The following ZBTB20 variants were observed in gnomAD, a reference collection of about 807,000 sequenced individuals.
ZBTB20 encodes zinc finger and BTB domain-containing protein 20.
Under a neutral mutation model 56.9 loss-of-function variants are expected in ZBTB20, and 9 were observed. The observed-to-expected ratio is 0.16, with a 90% CI of 0.10 to 0.28. The LOEUF is 0.28. Among genes scored for constraint, ZBTB20 ranks in the 10% least tolerant of loss-of-function variants. The probability of loss-of-function intolerance (pLI) is 1.00; values close to 1 mark genes in which losing one functional copy is unlikely to be tolerated. For synonymous variants in ZBTB20, 417 were observed against 420.7 expected (o/e 0.99, Z 0.11); for missense variants, 655 against 1,003.0 (o/e 0.65, Z 4.69).
chr3:114,363,115 T>A (rs570186787), intron 10 of ZBTB20, among the ~76,000 whole-genome samples: 1 of 152,208 alleles, frequency 6.6e-6, no homozygotes, highest in South Asian at 2.1e-4. Flanking sequence ...CACAAGCAGG[T>A]TATATATTAG....
chr3:115,026,262 A>G (rs1208873861), intron 2 of ZBTB20, among the ~76,000 whole-genome samples: 2 of 151,068 alleles, frequency 1.3e-5, no homozygotes, highest in South Asian at 2.1e-4. Context: ...AAATTCATGC[A>G]TGTTCACTGT....
intron 6 of ZBTB20, among the ~76,000 whole-genome samples, chr3:114,595,977 A>C (rs2056283314): frequency 6.6e-6 from 1 of 152,236 alleles, no homozygotes; most frequent in South Asian, 2.1e-4. Flanking sequence ...TAAATGGGAC[A>C]TTTAACTGAT....
At chr3:114,982,818 C>T (rs1270443108) in intron 2 of ZBTB20, among the ~76,000 whole-genome samples, 2 of 151,884 alleles carry the variant, frequency 1.3e-5, no homozygotes. Flanking sequence ...CTCCAAAGTC[C>T]AAAGTTTTTT....
chr3:114,564,304 C>T (rs2052457355), intron 6 of ZBTB20, among the ~76,000 whole-genome samples: 1 of 151,922 alleles, frequency 6.6e-6, no homozygotes, highest in South Asian at 2.1e-4. Context: ...CCATCTAAGG[C>T]AACATACTCA....
intron 4 of ZBTB20, among the ~76,000 whole-genome samples, chr3:114,848,366 GC>G (rs1197776907): frequency 6.6e-6 from 1 of 152,154 alleles, no homozygotes; most frequent in Non-Finnish European, 1.5e-5. Flanking sequence ...ACTGCTAGAG[GC>G]CTGGCACCGC....
At chr3:114,878,477 T>C (rs528347486) in intron 4 of ZBTB20, among the ~76,000 whole-genome samples, 3 of 150,564 alleles carry the variant, frequency 2.0e-5, no homozygotes, top group South Asian at 2.1e-4. Flanking sequence ...AATGGTAAAA[T>C]AGATGTTAGG....
chr3:115,060,923 TA>T (rs552523719), intron 2 of ZBTB20, among the ~76,000 whole-genome samples: 58 of 152,272 alleles, frequency 3.8e-4, no homozygotes, highest in African/African-American at 1.4e-3. Flanking sequence ...TTGCAGGAGA[TA>T]AAGTTAACTC....
At chr3:114,427,487 G>C (rs996950596) in intron 7 of ZBTB20, among the ~76,000 whole-genome samples, 1 of 152,174 alleles carries the variant, frequency 6.6e-6, no homozygotes, top group Non-Finnish European at 1.5e-5. Flanking sequence ...TGAGCCCCTC[G>C]ATCATTACTG....
intron 6 of ZBTB20, chr3:114,658,239 G>A (rs1190627693): frequency 5.9e-5 from 9 of 152,160 alleles, no homozygotes; most frequent in Non-Finnish European, 2.9e-5. Context: ...AGTGGTATGT[G>A]ATATTTCTAA....
intron 7 of ZBTB20, among the ~76,000 whole-genome samples, chr3:114,447,794 A>G (rs984924819): frequency 2.6e-5 from 4 of 152,154 alleles, no homozygotes; most frequent in Non-Finnish European, 5.9e-5. Context: ...TCAACCACTT[A>G]GAGGCTCTGG....
chr3:114,632,064 A>G (rs1218862227), intron 6 of ZBTB20, among the ~76,000 whole-genome samples: 1 of 152,230 alleles, frequency 6.6e-6, no homozygotes, highest in African/African-American at 2.4e-5. Context: ...GGTCAGGACC[A>G]CAGAACATCT....
chr3:114,769,194 C>T (rs535457007), intron 5 of ZBTB20, among the ~76,000 whole-genome samples: 1 of 152,056 alleles, frequency 6.6e-6, no homozygotes, highest in South Asian at 2.1e-4. Context: ...AAAATAATAC[C>T]GTTGAGTTAA....
At chr3:114,934,466 T>C (rs1044765641) in intron 3 of ZBTB20, among the ~76,000 whole-genome samples, 2 of 152,190 alleles carry the variant, frequency 1.3e-5, no homozygotes, top group African/African-American at 4.8e-5. Context: ...TTGCCTTATA[T>C]ATTTTTGAAC....
chr3:115,146,079 G>C (rs2084957855), intron 1 of ZBTB20, among the ~76,000 whole-genome samples: 1 of 152,174 alleles, frequency 6.6e-6, no homozygotes, highest in African/African-American at 2.4e-5. Flanking sequence ...TTTGGCCAAT[G>C]CTGATTCTGA....
intron 6 of ZBTB20, among the ~76,000 whole-genome samples, chr3:114,556,213 T>C (rs2051201346): frequency 1.3e-5 from 2 of 152,088 alleles, no homozygotes; most frequent in South Asian, 2.1e-4. Context: ...TGAACAGTTA[T>C]GTGGTATGAA....
chr3:114,814,931 A>T (rs2072810035), intron 4 of ZBTB20, among the ~76,000 whole-genome samples: 1 of 152,176 alleles, frequency 6.6e-6, no homozygotes, highest in African/African-American at 2.4e-5. Context: ...AGTTGTATTG[A>T]AACTCCATAT....
At chr3:114,630,486 T>C in intron 6 of ZBTB20, among the ~76,000 whole-genome samples, 1 of 152,184 alleles carries the variant, frequency 6.6e-6, no homozygotes, top group East Asian at 1.9e-4. Context: ...CGTGTGTGTG[T>C]ATGGTGGGTG....
intron 1 of ZBTB20, among the ~76,000 whole-genome samples, chr3:115,093,937 C>A (rs78382166): frequency 6.6e-6 from 1 of 152,020 alleles, no homozygotes; most frequent in African/African-American, 2.4e-5. Context: ...TGCTTTTTAA[C>A]GGGAGTTAGG....
intron 6 of ZBTB20, among the ~76,000 whole-genome samples, chr3:114,509,958 G>A (rs2045144064): frequency 6.6e-6 from 1 of 152,114 alleles, no homozygotes. Flanking sequence ...GGATTAGATT[G>A]TAAACAACCT....
Sources: gnomAD v4.1 joint callset for allele counts (sites outside exome capture counted in the v4.1 genomes callset) on GRCh38, gnomAD v4.1.1 for gene constraint, MANE v1.5 for transcripts, NCBI Gene and HGNC (gene_info 2026-07-23, HGNC 2026-07-21) for gene names.